SPSB1: variants seen among roughly 807,000 people sequenced by gnomAD.
SPSB1 encodes splA/ryanodine receptor domain and SOCS box containing 1.
In SPSB1, 8 loss-of-function variants were observed where a neutral mutation model predicts 21.2. The ratio of observed to expected loss-of-function variants is 0.38; its 90% CI spans 0.22 to 0.68. The LOEUF (loss-of-function observed/expected upper bound fraction) is 0.68, where lower values mean the gene tolerates loss of function less well. Ranked by LOEUF, SPSB1 falls within the 30% of genes least tolerant of loss-of-function variation. The pLI, the probability that SPSB1 is intolerant of heterozygous loss-of-function variation, is 0.53. For synonymous variants in SPSB1, 169 were observed against 161.7 expected, an observed-to-expected ratio of 1.05 and a Z score of -0.34; for missense variants, 242 against 377.8, an observed-to-expected ratio of 0.64 and a Z score of 2.98.
intron 1 of SPSB1, among the ~76,000 whole-genome samples, chr1:9,314,660 T>C (rs944381456): frequency 2.0e-5 from 3 of 152,250 alleles, no homozygotes; most frequent in Admixed American, 2.0e-4. Context: ...ATAGGTCTTC[T>C]TACATCGTCT....
chr1:9,316,387 C>T (rs750804833), intron 1 of SPSB1, among the ~76,000 whole-genome samples: 35 of 152,234 alleles, frequency 2.3e-4, no homozygotes, highest in Non-Finnish European at 4.0e-4. Flanking sequence ...CATGTGTGCA[C>T]GTGTATTTAT....
chr1:9,350,088 C>T (rs985083136), intron 1 of SPSB1, among the ~76,000 whole-genome samples: 4 of 151,896 alleles, frequency 2.6e-5, no homozygotes, highest in African/African-American at 7.3e-5. Flanking sequence ...GATACATACA[C>T]GCCTCACATA....
Position 9,293,024 on chromosome 1 carries a change from GCCT to G in SPSB1, c.-192_-190del. On this transcript the variant is annotated 5_prime_UTR_variant, in exon 1 of 3. Coordinates refer to ENST00000328089, the MANE Select transcript of SPSB1 (RefSeq NM_025106.4). The surrounding 1 kb of genome is among the most constrained non-coding windows in gnomAD (Gnocchi z 5.1). ...CGGCGGGCGCGGCCCGGGCGCCCGA[GCCT>G]CCTCGGCCTTGGAGAGCAGCGGCGG... The G allele has an allele frequency of 1.0e-6, 1 of 982,496 alleles. No individual in the cohort carries two copies. Among genetic ancestry groups the G allele is most frequent in the Non-Finnish European group, 1.2e-6 (1 of 828,432 alleles). The allele number at this position is 982,496 out of a possible 1,614,324, so 60.9% of individuals were successfully genotyped here. A position where few individuals can be genotyped will look rare whatever the true frequency, so the allele number is the denominator to read the frequency against.
chr1:9,341,200 G>C (rs1392107576), intron 1 of SPSB1, among the ~76,000 whole-genome samples: 1 of 152,178 alleles, frequency 6.6e-6, no homozygotes, highest in Non-Finnish European at 1.5e-5. Flanking sequence ...TTAGGTCCTG[G>C]CCCCCCGGCC....
At chr1:9,329,362 G>A (rs1639876193) in intron 1 of SPSB1, among the ~76,000 whole-genome samples, 1 of 152,110 alleles carries the variant, frequency 6.6e-6, no homozygotes, top group Non-Finnish European at 1.5e-5. Context: ...CATGCCAAGG[G>A]CTGGAGGGCA....
chr1:9,293,048 G>T lies in SPSB1; in HGVS notation c.-173G>T. 1.0e-6 allele frequency: 1 copy of T among 980,084 alleles called. No homozygotes were observed. Among genetic ancestry groups the T allele is most frequent in the South Asian group, 4.5e-5 (1 of 21,998 alleles). The allele number at this position is 980,084 out of a possible 1,614,324, so 60.7% of individuals were successfully genotyped here. On this transcript the variant is annotated 5_prime_UTR_variant, in exon 1 of 3. Coordinates refer to ENST00000328089, the MANE Select transcript of SPSB1 (RefSeq NM_025106.4). The surrounding 1 kb of genome is among the most constrained non-coding windows in gnomAD (Gnocchi z 5.1). The stretch of plus-strand genomic sequence containing the variant: ...AGCCTCCTCGGCCTTGGAGAGCAGC[G>T]GCGGCGGCGGCACCCCGGGCGCGGT...
intron 1 of SPSB1, among the ~76,000 whole-genome samples, chr1:9,319,429 C>A (rs1569590663): frequency 6.6e-6 from 1 of 152,252 alleles, no homozygotes; most frequent in East Asian, 1.9e-4. Context: ...CCTCCTCTTC[C>A]TCCTTCTCCT....
In SPSB1 at chr1:9,355,785, C is replaced by G. The variant is rs552494418; in HGVS notation, c.-107C>G. On this transcript the variant is annotated 5_prime_UTR_variant, in exon 2 of 3. Coordinates refer to ENST00000328089, the MANE Select transcript of SPSB1 (RefSeq NM_025106.4). ...GCAGCTTGCAGAGGTCTCCTGGCAG[C>G]CCTCATTAGGAATTCTGTCTGGCCC... 30 of 1,493,604 alleles carry G rather than the reference C, an allele frequency of 2.0e-5. No homozygotes were observed. In the African/African-American group the frequency reaches 4.1e-4, roughly 20 times the overall value. The allele number at this position is 1,493,604 out of a possible 1,614,324, so 92.5% of individuals were successfully genotyped here.
chr1:9,364,279 A>G (rs1640521980), intron 2 of SPSB1, among the ~76,000 whole-genome samples: 1 of 152,214 alleles, frequency 6.6e-6, no homozygotes. Flanking sequence ...AGAAGAGAAC[A>G]CACCTGCAAA....
At chr1:9,362,916 C>T (rs1640503961) in intron 2 of SPSB1, among the ~76,000 whole-genome samples, 1 of 152,248 alleles carries the variant, frequency 6.6e-6, no homozygotes, top group African/African-American at 2.4e-5. Flanking sequence ...GCCTAAGCTT[C>T]CTGGGGATGG....
At chr1:9,306,426 C>T (rs1294042) in intron 1 of SPSB1, among the ~76,000 whole-genome samples, 85,108 of 151,936 alleles carry the variant, frequency 0.56, 24,035 homozygotes, top group East Asian at 0.72. Context: ...GTGCATGGAC[C>T]GGGGTCTGTC....
At position 9,324,268 on chromosome 1, in the gene SPSB1, A is replaced by G. The variant is rs1313944184; in HGVS notation, c.-150+31197A>G. Among the ~76,000 whole-genome samples, 1 of 152,150 alleles carries G rather than the reference A, an allele frequency of 6.6e-6. No homozygotes were observed. Among genetic ancestry groups the G allele is most frequent in the Non-Finnish European group, 1.5e-5 (1 of 68,026 alleles). On this transcript the variant is annotated intron_variant, in intron 1 of 2. Coordinates refer to ENST00000328089, the MANE Select transcript of SPSB1 (RefSeq NM_025106.4). This position sits in a 1 kb window ranked among gnomAD's most constrained non-coding sequence, Gnocchi z 4.3. ...CTTTACTACCACGTGGAGCCGGCAC[A>G]TAGTGGGACTCACAGCTCTTCATGG...
chr1:9,310,888 C>T (rs1002710535), intron 1 of SPSB1, among the ~76,000 whole-genome samples: 2 of 152,106 alleles, frequency 1.3e-5, no homozygotes, highest in Non-Finnish European at 2.9e-5. Context: ...GGGGCCACAG[C>T]GTGCTTAATT....
intron 1 of SPSB1, among the ~76,000 whole-genome samples, chr1:9,354,625 C>G (rs916212051): frequency 1.3e-5 from 2 of 152,016 alleles, no homozygotes; most frequent in African/African-American, 4.8e-5. Flanking sequence ...CCAGCCTGGC[C>G]AACATGGTGA....
chr1:9,357,574 C>G (rs1341843895), intron 2 of SPSB1, among the ~76,000 whole-genome samples: 1 of 152,152 alleles, frequency 6.6e-6, no homozygotes, highest in Non-Finnish European at 1.5e-5. Flanking sequence ...TCTCTTCTGC[C>G]AGAGGCTTCT....
At chr1:9,297,758 G>A (rs2100457331) in intron 1 of SPSB1, among the ~76,000 whole-genome samples, 1 of 152,270 alleles carries the variant, frequency 6.6e-6, no homozygotes, top group South Asian at 2.1e-4. Flanking sequence ...TGTAGAGTTA[G>A]GGATTCATAG....
rs372054088 is a variant in SPSB1 at position 9,349,982 on chromosome 1, C to T, written c.-149-5761C>T. On this transcript the variant is annotated intron_variant, in intron 1 of 2. Transcript: ENST00000328089. ...CCACACACGCAGACACAGGCAGACA[C>T]GACACACGTGTACCTACATGCACAC... Among the ~76,000 whole-genome samples, 476 of 152,090 alleles carry T rather than the reference C, an allele frequency of 3.1e-3. 8 individuals carry two copies. Among genetic ancestry groups the T allele is most frequent in the East Asian group, 4.4e-3 (23 of 5,178 alleles).
rs1296880530 is a variant in SPSB1, at chr1:9,363,989, C to T, written c.695-3459C>T. 6.6e-6 allele frequency among the ~76,000 whole-genome samples: 1 copy of T among 152,194 alleles called. No homozygotes were observed. The highest frequency in any genetic ancestry group is 1.9e-4 in the East Asian group (1 of 5,192). On this transcript the variant is annotated intron_variant, in intron 2 of 2. Transcript: ENST00000328089. The surrounding 1 kb of genome is among the most constrained non-coding windows in gnomAD (Gnocchi z 4.5). Reference sequence around the variant, plus strand: ...TGCTGGGATTACAGGCATAAGCCACCGCGTCCAGCCTAGAAACATTTCTTC... The same window carrying T: ...TGCTGGGATTACAGGCATAAGCCACTGCGTCCAGCCTAGAAACATTTCTTC...
chr1:9,330,753 A>T lies in SPSB1; in HGVS notation c.-149-24990A>T, dbSNP rs187735409. Among the ~76,000 whole-genome samples the T allele has an allele frequency of 4.2e-4, 63 of 151,554 alleles. No homozygotes were observed. The Middle Eastern group carries it at 0.02, about 49-fold the overall frequency. ...AACATACAAAAACCTAAAATTTACC[A>T]TCTTAACCATTTAAGACGTGCAGTT... On this transcript the variant is annotated intron_variant, in intron 1 of 2. Transcript: ENST00000328089.
Sources: gnomAD v4.1 joint callset for allele counts (sites outside exome capture counted in the v4.1 genomes callset) on GRCh38, gnomAD v4.1.1 for gene constraint, Gnocchi (gnomAD v3.1) non-coding constraint, MANE v1.5 for transcripts, NCBI Gene and HGNC (gene_info 2026-07-23, HGNC 2026-07-21) for gene names.